PTAFR: variants seen among roughly 807,000 people sequenced by gnomAD.
PTAFR encodes platelet activating factor receptor, also known as platelet-activating factor receptor.
A neutral mutation model predicts 14.7 loss-of-function variants in PTAFR; 8 were observed. That is an observed-to-expected ratio of 0.54 (90% CI 0.32 to 0.98). The LOEUF (loss-of-function observed/expected upper bound fraction) is 0.98. Among genes scored for constraint, PTAFR ranks in the 50% least tolerant of loss-of-function variants. PTAFR has a pLI of 0.04. For missense variants in PTAFR, 337 were observed against 451.2 expected, an observed-to-expected ratio of 0.75 and a Z score of 2.29; for synonymous variants, 156 against 176.5, an observed-to-expected ratio of 0.88 and a Z score of 0.92.
At chr1:28,154,490 C>T (rs1192915345) in intron 1 of PTAFR, among the ~76,000 whole-genome samples, 1 of 152,122 alleles carries the variant, frequency 6.6e-6, no homozygotes, top group African/African-American at 2.4e-5. Flanking sequence ...GCAATTTAAA[C>T]AAACACCGTT....
chr1:28,162,549 G>A (rs548988404), intron 1 of PTAFR, among the ~76,000 whole-genome samples: 7 of 152,212 alleles, frequency 4.6e-5, no homozygotes, highest in African/African-American at 1.7e-4. Context: ...ATGTTGGCCG[G>A]GCATGGTGGC....
At chr1:28,159,795 C>T (rs1041086705) in intron 1 of PTAFR, among the ~76,000 whole-genome samples, 6 of 151,128 alleles carry the variant, frequency 4.0e-5, no homozygotes, top group African/African-American at 1.5e-4. Context: ...CACTGCACTC[C>T]AGCCTGAGCA....
At chr1:28,166,901 C>G (rs959830017) in intron 1 of PTAFR, among the ~76,000 whole-genome samples, 9 of 152,052 alleles carry the variant, frequency 5.9e-5, no homozygotes, top group Non-Finnish European at 1.2e-4. Context: ...ACCTTGAGCC[C>G]AGGAGCTCAA....
At chr1:28,189,727 A>T (rs1465234408) in intron 1 of PTAFR, among the ~76,000 whole-genome samples, 1 of 148,044 alleles carries the variant, frequency 6.8e-6, no homozygotes, top group East Asian at 2.1e-4. Context: ...GTGCAGTGGC[A>T]TGATCTTGGC....
intron 1 of PTAFR, among the ~76,000 whole-genome samples, chr1:28,192,991 G>C (rs114147426): frequency 1.3e-5 from 2 of 152,100 alleles, no homozygotes; most frequent in Non-Finnish European, 2.9e-5. Flanking sequence ...TCTTTAGTGC[G>C]GCTGGGACCC....
chr1:28,158,783 T>G (rs1198098893), intron 1 of PTAFR, among the ~76,000 whole-genome samples: 1 of 151,362 alleles, frequency 6.6e-6, no homozygotes, highest in African/African-American at 2.4e-5. Flanking sequence ...ACAATGGGAG[T>G]TATTGAAGGA....
intron 1 of PTAFR, among the ~76,000 whole-genome samples, chr1:28,174,491 C>T (rs1646490840): frequency 6.6e-6 from 1 of 152,198 alleles, no homozygotes; most frequent in Non-Finnish European, 1.5e-5. Flanking sequence ...CCTGTAGGCA[C>T]ATTTTGTCAC....
upstream of PTAFR, among the ~76,000 whole-genome samples, chr1:28,180,843 GAA>G (rs1175438499): frequency 6.6e-6 from 1 of 150,402 alleles, no homozygotes; most frequent in Non-Finnish European, 1.5e-5. Context: ...AGAAAGTAAA[GAA>G]AAAGAGAAGA....
intron 1 of PTAFR, among the ~76,000 whole-genome samples, chr1:28,163,369 CTTCAATCCCAGTGTCG>C (rs908518638): frequency 6.6e-6 from 1 of 152,194 alleles, no homozygotes; most frequent in African/African-American, 2.4e-5. Flanking sequence ...TTTTTCATCT[CTTCAATCCCAGTGTCG>C]GGCACCGAGG....
exon 1 of PTAFR, chr1:28,193,837 G>C (rs773244336): frequency 5.2e-5 from 8 of 153,476 alleles, no homozygotes; most frequent in African/African-American, 1.2e-4. Context: ...ATGACTTCTC[G>C]GGGAGCTCAG....
Position 28,150,367 on chromosome 1 carries a change from G to A in PTAFR, c.655C>T (p.Gln219Ter). Residue 219 changes from glutamine (Q) to a stop codon, truncating the protein, a stop_gained, in exon 2 of 2, where the codon CAG (glutamine) becomes TAG (stop). Coordinates refer to ENST00000373857, the MANE Select transcript of PTAFR (RefSeq NM_000952.5). LOFTEE classifies it high-confidence loss of function. The surrounding 1 kb of genome is among the most constrained non-coding windows in gnomAD (Gnocchi z 6.3). ...TTGACTTCAGCGTTGCGCTGCTGCT[G>A]CACCGGCTGCATGAGCAAGGTACGG... is the stretch of plus-strand genomic sequence containing the variant. ...IIRTLLMQPV[Q>*]QQRNAEVKRR... The A allele has an allele frequency of 6.2e-7, 1 of 1,614,028 alleles. No individual in the cohort carries two copies. The highest frequency in any genetic ancestry group is 8.5e-7 in the Non-Finnish European group (1 of 1,179,940).
At position 28,167,851 on chromosome 1, in the gene PTAFR, C is replaced by G. The variant is rs191519246; in HGVS notation, c.-39+8741G>C. On this transcript the variant is annotated intron_variant, in intron 1 of 1. Coordinates refer to ENST00000373857, the MANE Select transcript of PTAFR (RefSeq NM_000952.5). ...ACGAGGTTTCGCCATGTTGGCCAAGCTGGTCTCTAACGCCTGACCTCAAGT... is the reference window on the plus strand; with the variant it reads ...ACGAGGTTTCGCCATGTTGGCCAAGGTGGTCTCTAACGCCTGACCTCAAGT... 1.1e-3 allele frequency among the ~76,000 whole-genome samples: 168 copies of G among 150,968 alleles called. 4 individuals carry two copies. The East Asian group carries it at 0.023, about 21-fold the overall frequency.
chr1:28,151,186 T>A, intron 1 of PTAFR, 127 bp from the exon 2 acceptor site: 2 of 600,070 alleles, frequency 3.3e-6, no homozygotes, highest in Non-Finnish European at 5.7e-6. Flanking sequence ...GTTGAATCTT[T>A]TTTTTTTTTT....
chr1:28,188,713 A>G (rs1392839613), intron 1 of PTAFR, among the ~76,000 whole-genome samples: 1 of 152,136 alleles, frequency 6.6e-6, no homozygotes, highest in African/African-American at 2.4e-5. Context: ...CTGGGCAACA[A>G]GAGTGAAACT....
In PTAFR at chr1:28,149,260, A is replaced by T. The variant is rs1646149378; in HGVS notation, c.*733T>A. 1 of 151,058 alleles carries T rather than the reference A, an allele frequency of 6.6e-6. No individual in the cohort carries two copies. The highest frequency in any genetic ancestry group is 1.5e-5 in the Non-Finnish European group (1 of 67,922). 9.4% of individuals were successfully genotyped at this position (151,058 alleles called of 1,614,324 possible). On this transcript the variant is annotated 3_prime_UTR_variant, in exon 2 of 2. Transcript: ENST00000373857. ...AAAGTCTGCCCCAAGGTAGTGCCAT[A>T]CAGTGAGGGCAGTGTCCTTTCCTAA... is the stretch of plus-strand genomic sequence containing the variant.
intron 1 of PTAFR, among the ~76,000 whole-genome samples, chr1:28,171,048 TG>T (rs1406001047): frequency 6.8e-6 from 1 of 147,824 alleles, no homozygotes; most frequent in Non-Finnish European, 1.5e-5. Context: ...TTAGGCTGGG[TG>T]GGGTGGCTCA....
intron 1 of PTAFR, among the ~76,000 whole-genome samples, chr1:28,184,336 G>A (rs901076017): frequency 2.0e-5 from 3 of 151,372 alleles, no homozygotes; most frequent in African/African-American, 4.9e-5. Flanking sequence ...CACGTGATCC[G>A]CCCACCTTGG....
chr1:28,168,914 C>T (rs1056095951), intron 1 of PTAFR, among the ~76,000 whole-genome samples: 7 of 152,062 alleles, frequency 4.6e-5, no homozygotes, highest in African/African-American at 1.7e-4. Flanking sequence ...GCGATCCACC[C>T]TCATTGACCT....
At chr1:28,190,300 A>G (rs1393317975) in intron 1 of PTAFR, among the ~76,000 whole-genome samples, 2 of 152,138 alleles carry the variant, frequency 1.3e-5, no homozygotes, top group Non-Finnish European at 2.9e-5. Flanking sequence ...TTAACACATT[A>G]TTATGCTGGA....
Sources: gnomAD v4.1 joint callset for allele counts (sites outside exome capture counted in the v4.1 genomes callset) on GRCh38, gnomAD v4.1.1 for gene constraint, Gnocchi (gnomAD v3.1) non-coding constraint, MANE v1.5 for transcripts, NCBI Gene and HGNC (gene_info 2026-07-23, HGNC 2026-07-21) for gene names.